EPB41L5: variants seen among roughly 807,000 people sequenced by gnomAD.
EPB41L5 encodes the protein band 4.1-like protein 5.
Under a neutral mutation model 106.6 loss-of-function variants are expected in EPB41L5, and 55 were observed. That is an observed-to-expected ratio of 0.52 (90% CI 0.42 to 0.65). The LOEUF is 0.65. EPB41L5 is among the 30% of genes least tolerant of loss of function. EPB41L5 has a pLI of 0.00. For missense variants in EPB41L5, 871 were observed against 882.1 expected, an observed-to-expected ratio of 0.99 and a Z score of 0.16; for synonymous variants, 297 against 306.7, an observed-to-expected ratio of 0.97 and a Z score of 0.33.
chr2:120,164,970 C>A, intron 22 of EPB41L5, 60 bp downstream of exon 22: 1 of 1,277,482 alleles, frequency 7.8e-7, no homozygotes, highest in Non-Finnish European at 1.1e-6. Context: ...AATGTTCCTG[C>A]TAGATTCCAG....
chr2:120,137,020 T>A (rs1248097269), intron 18 of EPB41L5, among the ~76,000 whole-genome samples: 1 of 152,030 alleles, frequency 6.6e-6, no homozygotes, highest in Non-Finnish European at 1.5e-5. Flanking sequence ...TCATTTCCAG[T>A]ATCTTCTCTG....
At chr2:120,043,499 A>G (rs1294478119) in intron 3 of EPB41L5, among the ~76,000 whole-genome samples, 1 of 151,922 alleles carries the variant, frequency 6.6e-6, no homozygotes, top group African/African-American at 2.4e-5. Context: ...GTGAGCCAAG[A>G]TTGCGCCACT....
chr2:120,132,401 A>G (rs973731163), intron 18 of EPB41L5, among the ~76,000 whole-genome samples: 2 of 152,218 alleles, frequency 1.3e-5, no homozygotes, highest in African/African-American at 2.4e-5. Flanking sequence ...CATGACCAAG[A>G]TGAATTTTGT....
chr2:120,032,380 AAAAC>A (rs1274311976), intron 2 of EPB41L5, among the ~76,000 whole-genome samples: 1 of 152,208 alleles, frequency 6.6e-6, no homozygotes, highest in African/African-American at 2.4e-5. Context: ...CTTCGTCTCA[AAAAC>A]AAACAAAAAA....
chr2:120,039,983 A>G (rs1161225754), intron 2 of EPB41L5, among the ~76,000 whole-genome samples: 1 of 152,042 alleles, frequency 6.6e-6, no homozygotes. Flanking sequence ...CTTGGAAGGT[A>G]GAGCAAAATT....
intron 1 of EPB41L5, among the ~76,000 whole-genome samples, chr2:120,013,879 C>T (rs1424195554): frequency 6.6e-6 from 1 of 152,136 alleles, no homozygotes; most frequent in African/African-American, 2.4e-5. Context: ...TAAAGAATTA[C>T]GGGGAAAATT....
chr2:120,040,877 A>T (rs61095506), intron 2 of EPB41L5, among the ~76,000 whole-genome samples: 1 of 152,182 alleles, frequency 6.6e-6, no homozygotes, highest in Non-Finnish European at 1.5e-5. Flanking sequence ...AGAGATTGAT[A>T]TGATAAACCA....
chr2:120,131,733 G>C lies in EPB41L5; in HGVS notation c.1599+18G>C. ...ACAGCCAGGTATTCAGATTTCCCCT[G>C]TGTATACCTGTTACACATCTCCAGA... On this transcript the variant is annotated intron_variant, in intron 18 of 24. Coordinates refer to ENST00000263713, the MANE Select transcript of EPB41L5 (RefSeq NM_020909.4). 6.5e-7 allele frequency: 1 copy of C among 1,537,984 alleles called. No homozygotes were observed. The highest frequency in any genetic ancestry group is 1.4e-5 in the African/African-American group (1 of 73,316).
chr2:120,087,399 C>A (rs1488459576), intron 11 of EPB41L5, among the ~76,000 whole-genome samples, 159 bp downstream of exon 11: 1 of 152,090 alleles, frequency 6.6e-6, no homozygotes, highest in African/African-American at 2.4e-5. Flanking sequence ...TGGGTCATAC[C>A]ATGCTAAAAA....
intron 2 of EPB41L5, among the ~76,000 whole-genome samples, chr2:120,020,557 C>G (rs1057465989): frequency 2.0e-5 from 3 of 149,904 alleles, no homozygotes; most frequent in African/African-American, 7.3e-5. Context: ...AAATTTTCTT[C>G]CTGTAAGTGC....
chr2:120,089,925 T>G (rs1246218550), intron 11 of EPB41L5, among the ~76,000 whole-genome samples: 1 of 152,126 alleles, frequency 6.6e-6, no homozygotes, highest in Non-Finnish European at 1.5e-5. Context: ...TGTGAAATCC[T>G]TAGAAAAATT....
chr2:120,061,819 GT>G (rs1681100864), intron 3 of EPB41L5, among the ~76,000 whole-genome samples: 1 of 152,108 alleles, frequency 6.6e-6, no homozygotes. Context: ...TATTAATTAT[GT>G]TTTGTCTTTT....
intron 3 of EPB41L5, among the ~76,000 whole-genome samples, chr2:120,064,971 C>T (rs1681344104): frequency 6.6e-6 from 1 of 152,140 alleles, no homozygotes; most frequent in Non-Finnish European, 1.5e-5. Flanking sequence ...CTCACTTTAA[C>T]ATGTGTTTGA....
chr2:120,115,863 G>A (rs1404287220), intron 16 of EPB41L5, among the ~76,000 whole-genome samples: 1 of 152,176 alleles, frequency 6.6e-6, no homozygotes, highest in Non-Finnish European at 1.5e-5. Flanking sequence ...AGGCTGGAGT[G>A]CAGTGGCACG....
intron 16 of EPB41L5, chr2:120,105,634 C>G (rs1684406481): frequency 1.0e-6 from 1 of 985,090 alleles, no homozygotes. Flanking sequence ...GATGGCCACT[C>G]AAAGTATTTA....
intron 18 of EPB41L5, among the ~76,000 whole-genome samples, chr2:120,133,643 G>A (rs1685800999): frequency 6.6e-6 from 1 of 152,158 alleles, no homozygotes; most frequent in Admixed American, 6.5e-5. Context: ...GGGCTAAAGT[G>A]CTGTAAGCTC....
chr2:120,165,005 TA>T (rs1687327736), intron 22 of EPB41L5, 95 bp downstream of exon 22: 4 of 900,410 alleles, frequency 4.4e-6, no homozygotes, highest in Non-Finnish European at 6.9e-6. Context: ...ATAATTCAGT[TA>T]AACTTTTCAT....
chr2:120,088,131 T>A (rs1188550307), intron 11 of EPB41L5, among the ~76,000 whole-genome samples: 1 of 152,270 alleles, frequency 6.6e-6, no homozygotes, highest in South Asian at 2.1e-4. Context: ...TTTTTCTGTA[T>A]GTTTAAACAT....
At chr2:120,072,554 G>T (rs1231878729) in intron 3 of EPB41L5, among the ~76,000 whole-genome samples, 2 of 152,152 alleles carry the variant, frequency 1.3e-5, no homozygotes, top group Non-Finnish European at 1.5e-5. Context: ...TGATAGACTG[G>T]ATAAGGAAAA....
Sources: allele counts gnomAD v4.1 joint callset (sites outside exome capture counted in the v4.1 genomes callset), GRCh38; gene constraint gnomAD v4.1.1; transcripts MANE v1.5; gene names NCBI Gene and HGNC (gene_info 2026-07-23, HGNC 2026-07-21).